The following SNX29 variants were observed in gnomAD, a reference collection of about 807,000 sequenced individuals.
SNX29 encodes sorting nexin-29.
In SNX29, 78 loss-of-function variants were observed where a neutral mutation model predicts 102.1. That is an observed-to-expected ratio of 0.76 (90% CI 0.64 to 0.92). The LOEUF (loss-of-function observed/expected upper bound fraction) is 0.92, where lower values mean the gene tolerates loss of function less well. Among genes scored for constraint, SNX29 ranks in the 40% least tolerant of loss-of-function variants. SNX29 has a pLI of 0.00. For synonymous variants in SNX29, 580 were observed against 414.5 expected (o/e 1.40, Z -4.85); for missense variants, 1,280 against 1,061.7 (o/e 1.21, Z -2.86).
chr16:12,117,277 C>T (rs990046961), intron 11 of SNX29, among the ~76,000 whole-genome samples: 1 of 147,886 alleles, frequency 6.8e-6, no homozygotes, highest in African/African-American at 2.5e-5. Context: ...TCAATACGTG[C>T]TTCAACGCGG....
rs137988427 is a variant in SNX29 at position 12,406,863 on chromosome 16, C to T, written c.2037+3334C>T. Among the ~76,000 whole-genome samples the T allele has an allele frequency of 9.9e-4, 151 of 152,264 alleles. 1 individual carries two copies. The highest frequency in any genetic ancestry group is 3.2e-3 in the African/African-American group (134 of 41,568). On this transcript the variant is annotated intron_variant, in intron 18 of 20. Coordinates refer to ENST00000566228, the MANE Select transcript of SNX29 (RefSeq NM_032167.5). ...GGCAGAGGTTGCAGTGAGCTGAGAT[C>T]GCGCCACTACACTCAAGCCTGGGCG...
chr16:12,073,519 G>A (rs2151316566), intron 10 of SNX29, among the ~76,000 whole-genome samples: 1 of 152,252 alleles, frequency 6.6e-6, no homozygotes, highest in East Asian at 1.9e-4. Flanking sequence ...TAGTTTGATT[G>A]CACTGTGGTC....
intron 8 of SNX29, among the ~76,000 whole-genome samples, chr16:12,053,781 C>T (rs1035412264): frequency 4.6e-5 from 7 of 151,612 alleles, no homozygotes; most frequent in Non-Finnish European, 1.0e-4. Context: ...CTGAGATATG[C>T]CAGGTGCTGC....
At position 12,570,066 on chromosome 16, in the gene SNX29, C is replaced by G. The variant is rs149921774; in HGVS notation, c.*1437C>G. The G allele has an allele frequency of 1.8e-4, 115 of 648,626 alleles. 1 individual carries two copies. The African/African-American group carries it at 1.9e-3, about 11-fold the overall frequency. The allele number at this position is 648,626 out of a possible 1,614,324, so 40.2% of individuals were successfully genotyped here. On this transcript the variant is annotated 3_prime_UTR_variant, in exon 21 of 21. Coordinates refer to ENST00000566228, the MANE Select transcript of SNX29 (RefSeq NM_032167.5). ...AGGCTCGAGGACATCTCTGGAGAAT[C>G]ATCTGGAAGGTTTATACTGTGCCTT... is the stretch of plus-strand genomic sequence containing the variant.
intron 11 of SNX29, chr16:12,088,046 G>C (rs993402576): frequency 4.4e-6 from 2 of 456,574 alleles, no homozygotes; most frequent in African/African-American, 4.0e-5. Context: ...GGCTTTGCTT[G>C]TGTCTCTAGG....
chr16:12,189,438 G>T (rs1023303177), intron 13 of SNX29, among the ~76,000 whole-genome samples: 3 of 152,140 alleles, frequency 2.0e-5, no homozygotes, highest in African/African-American at 7.2e-5. Flanking sequence ...CCGTGCCTTT[G>T]GTTTGCTTGA....
chr16:12,361,734 T>G (rs2151330215), intron 16 of SNX29, among the ~76,000 whole-genome samples: 1 of 152,328 alleles, frequency 6.6e-6, no homozygotes, highest in African/African-American at 2.4e-5. Context: ...ATACTAATGG[T>G]AATATTTTTG....
intron 15 of SNX29, among the ~76,000 whole-genome samples, chr16:12,317,544 G>A (rs539292812): frequency 1.3e-5 from 2 of 152,166 alleles, no homozygotes; most frequent in Non-Finnish European, 2.9e-5. Context: ...CGTGCTGCTT[G>A]TAAAGCCATA....
At chr16:12,318,635 A>C (rs2080831787) in intron 15 of SNX29, among the ~76,000 whole-genome samples, 1 of 152,188 alleles carries the variant, frequency 6.6e-6, no homozygotes, top group Non-Finnish European at 1.5e-5. Flanking sequence ...TCCTGGACCA[A>C]ACCGAGGGTT....
At chr16:12,353,448 G>A (rs2151301064) in intron 15 of SNX29, among the ~76,000 whole-genome samples, 1 of 140,318 alleles carries the variant, frequency 7.1e-6, no homozygotes, top group Admixed American at 6.8e-5. Context: ...CCTCACAGTG[G>A]CCTGGTGAAA....
At position 12,573,124 on chromosome 16, in the gene SNX29, ATCT is replaced by A. The variant is rs1413429395; in HGVS notation, c.*4497_*4499del. On this transcript the variant is annotated 3_prime_UTR_variant, in exon 21 of 21. Coordinates refer to ENST00000566228, the MANE Select transcript of SNX29 (RefSeq NM_032167.5). ...TATGTTTTTCTAATACACAATCTTG[ATCT>A]TGTTTCCAAAATAAAGCTTCAGCTC... 3 of 229,408 alleles carry A rather than the reference ATCT, an allele frequency of 1.3e-5. No homozygotes were observed. The highest frequency in any genetic ancestry group is 3.6e-4 in the South Asian group (2 of 5,516). 14.2% of individuals were successfully genotyped at this position (229,408 alleles called of 1,614,324 possible). A position where few individuals can be genotyped will look rare whatever the true frequency, so the allele number is the denominator to read the frequency against.
chr16:12,539,910 GTTTTGGGAGTTCTTTGTATA>G (rs1249621018), intron 20 of SNX29, among the ~76,000 whole-genome samples: 1 of 152,212 alleles, frequency 6.6e-6, no homozygotes, highest in Admixed American at 6.5e-5. Context: ...AAAGATTTGA[GTTTTGGGAGTTCTTTGTATA>G]TGTTAGATGC....
intron 18 of SNX29, among the ~76,000 whole-genome samples, chr16:12,476,683 C>G (rs2087670059): frequency 1.3e-5 from 2 of 151,742 alleles, no homozygotes; most frequent in African/African-American, 4.8e-5. Context: ...TCGGAAACAT[C>G]TATCCATTCG....
At chr16:12,235,785 T>TTG (rs71408254) in intron 14 of SNX29, among the ~76,000 whole-genome samples, 12,632 of 147,970 alleles carry the variant, frequency 0.085, 655 homozygotes, top group South Asian at 0.29. Context: ...GGGTTGTAAA[T>TTG]TGTGTGTGTG....
At chr16:12,045,297 C>CT (rs1194094574) in intron 5 of SNX29, among the ~76,000 whole-genome samples, 1 of 152,194 alleles carries the variant, frequency 6.6e-6, no homozygotes, top group Non-Finnish European at 1.5e-5. Flanking sequence ...GTATCCCTGA[C>CT]TTTGCTTTAG....
chr16:12,414,751 ACT>A (rs1320657645), intron 18 of SNX29, among the ~76,000 whole-genome samples: 3 of 151,992 alleles, frequency 2.0e-5, no homozygotes, highest in African/African-American at 7.3e-5. Flanking sequence ...TTAGAGACAG[ACT>A]CTGTGTCTCC....
intron 18 of SNX29, among the ~76,000 whole-genome samples, chr16:12,414,596 C>G (rs2084547163): frequency 6.6e-6 from 1 of 152,210 alleles, no homozygotes; most frequent in African/African-American, 2.4e-5. Flanking sequence ...TTGTAGCCAG[C>G]TGGTCTTTTC....
At chr16:12,174,959 C>T (rs554902798) in intron 13 of SNX29, among the ~76,000 whole-genome samples, 81 of 152,114 alleles carry the variant, frequency 5.3e-4, no homozygotes, top group South Asian at 2.1e-3. Flanking sequence ...TATCTTGTCC[C>T]TGAGGTAAGA....
intron 9 of SNX29, among the ~76,000 whole-genome samples, chr16:12,066,211 G>C (rs935556857): frequency 6.6e-5 from 10 of 152,200 alleles, no homozygotes; most frequent in Admixed American, 6.5e-4. Flanking sequence ...CTCTGCATGA[G>C]TTAGATTAGC....
Sources: gnomAD v4.1 joint callset for allele counts (sites outside exome capture counted in the v4.1 genomes callset) on GRCh38, gnomAD v4.1.1 for gene constraint, MANE v1.5 for transcripts, NCBI Gene and HGNC (gene_info 2026-07-23, HGNC 2026-07-21) for gene names.